Variants in PDILT observed in about 807,000 individuals in gnomAD.
PDILT encodes the protein protein disulfide-isomerase-like protein of the testis.
A neutral mutation model predicts 53.7 loss-of-function variants in PDILT; 43 were observed. The ratio of observed to expected loss-of-function variants is 0.80; its 90% CI spans 0.63 to 1.03. PDILT has a LOEUF of 1.03. Ranked by LOEUF, PDILT falls within the 50% of genes least tolerant of loss-of-function variation. PDILT has a pLI of 0.00. For missense variants in PDILT, 727 were observed against 712.3 expected, an observed-to-expected ratio of 1.02 and a Z score of -0.24; for synonymous variants, 282 against 274.2, an observed-to-expected ratio of 1.03 and a Z score of -0.28.
At chr16:20,361,376 G>C (rs1389741948) in intron 10 of PDILT, among the ~76,000 whole-genome samples, 1 of 151,776 alleles carries the variant, frequency 6.6e-6, no homozygotes. Flanking sequence ...GTAGAGACGG[G>C]GTTTCACCAT....
At chr16:20,374,670 A>G in intron 5 of PDILT, 152 bp downstream of exon 5, 2 of 827,064 alleles carry the variant, frequency 2.4e-6, no homozygotes, top group East Asian at 2.6e-5. Context: ...GAAAGGTTGG[A>G]GCAACACTGG....
rs1398724709 is a variant in PDILT at position 20,366,996 on chromosome 16, C to CTTTA, written c.1117-1457_1117-1456insTAAA. On this transcript the variant is annotated intron_variant, in intron 8 of 11. Coordinates refer to ENST00000302451, the MANE Select transcript of PDILT (RefSeq NM_174924.2). ...CCTTCCTTCCTTCCTTCCTTTCTTT[C>CTTTA]TTTCTTTATTTATTTCTCTCTCTCT... is the stretch of plus-strand genomic sequence containing the variant. Among the ~76,000 whole-genome samples, 71 of 140,676 alleles carry CTTTA rather than the reference C, an allele frequency of 5.0e-4. 3 individuals carry two copies. Among genetic ancestry groups the CTTTA allele is most frequent in the Middle Eastern group, 3.6e-3 (1 of 278 alleles). 92.3% of individuals were successfully genotyped at this position (140,676 alleles called of 152,430 possible).
At chr16:20,401,266 G>C (rs1463516315) in intron 1 of PDILT, among the ~76,000 whole-genome samples, 3 of 152,166 alleles carry the variant, frequency 2.0e-5, no homozygotes, top group African/African-American at 7.2e-5. Flanking sequence ...GACTAAGTCT[G>C]GTACAGCATG....
chr16:20,378,966 A>G (rs544390466), intron 3 of PDILT, among the ~76,000 whole-genome samples: 1 of 151,362 alleles, frequency 6.6e-6, no homozygotes, highest in South Asian at 2.1e-4. Flanking sequence ...ATATCCCACA[A>G]CTTATTTGTC....
At chr16:20,371,202 G>A (rs953269790) in intron 7 of PDILT, among the ~76,000 whole-genome samples, 2 of 152,150 alleles carry the variant, frequency 1.3e-5, no homozygotes, top group Non-Finnish European at 2.9e-5. Flanking sequence ...CGAAGATGAG[G>A]TCAGAGGTCC....
chr16:20,383,759 G>T (rs950304739), intron 3 of PDILT, among the ~76,000 whole-genome samples: 1 of 152,100 alleles, frequency 6.6e-6, no homozygotes, highest in Non-Finnish European at 1.5e-5. Flanking sequence ...CATTCTACTG[G>T]CATGGCTGTT....
At chr16:20,375,317 A>G (rs1966369329) in intron 4 of PDILT, among the ~76,000 whole-genome samples, 1 of 152,236 alleles carries the variant, frequency 6.6e-6, no homozygotes, top group South Asian at 2.1e-4. Context: ...ACTTAATGTC[A>G]AGAATTTCAG....
rs553143139 is a variant in PDILT at position 20,368,878 on chromosome 16, C to T, written c.1116+614G>A. Among the ~76,000 whole-genome samples, 3 of 152,258 alleles carry T rather than the reference C, an allele frequency of 2.0e-5. No individual in the cohort carries two copies. The East Asian group carries it at 5.8e-4, about 29-fold the overall frequency. ...GGATTACAGGCATGAACCACCGCACCTGGCCCATTCCAGAATCCTTTACTC... is the reference window on the plus strand; with the variant it reads ...GGATTACAGGCATGAACCACCGCACTTGGCCCATTCCAGAATCCTTTACTC... On this transcript the variant is annotated intron_variant, in intron 8 of 11. Coordinates refer to ENST00000302451, the MANE Select transcript of PDILT (RefSeq NM_174924.2).
At chr16:20,371,237 A>G (rs1326186424) in intron 7 of PDILT, among the ~76,000 whole-genome samples, 1 of 152,196 alleles carries the variant, frequency 6.6e-6, no homozygotes. Flanking sequence ...GTTTAGTCTG[A>G]ATATAATAGT....
intron 8 of PDILT, among the ~76,000 whole-genome samples, chr16:20,368,621 G>A (rs1371869936): frequency 6.6e-6 from 1 of 151,942 alleles, no homozygotes; most frequent in Non-Finnish European, 1.5e-5. Flanking sequence ...GTGCTGGACA[G>A]GGTCTTCCTC....
intron 7 of PDILT, among the ~76,000 whole-genome samples, chr16:20,370,896 A>G (rs754671088): frequency 2.4e-4 from 36 of 152,318 alleles, no homozygotes; most frequent in Non-Finnish European, 4.7e-4. Context: ...AGGAAGTTAC[A>G]CTATATGGTC....
chr16:20,382,898 C>G (rs1379035101), intron 3 of PDILT, among the ~76,000 whole-genome samples: 1 of 152,200 alleles, frequency 6.6e-6, no homozygotes, highest in Non-Finnish European at 1.5e-5. Context: ...GTGAGATCAG[C>G]CACTGCCCTT....
chr16:20,404,036 A>G (rs1966782008), intron 1 of PDILT, among the ~76,000 whole-genome samples: 3 of 152,118 alleles, frequency 2.0e-5, no homozygotes, highest in Non-Finnish European at 2.9e-5. Flanking sequence ...ATTATTATTT[A>G]TGAGTGTACT....
chr16:20,369,388 T>G (rs1966266458), intron 8 of PDILT, 104 bp downstream of exon 8: 2 of 1,286,904 alleles, frequency 1.6e-6, no homozygotes, highest in Non-Finnish European at 2.2e-6. Context: ...TTGATCTTTA[T>G]TCTGCCTCCA....
chr16:20,381,198 C>T (rs547862550), intron 3 of PDILT, among the ~76,000 whole-genome samples: 1 of 152,220 alleles, frequency 6.6e-6, no homozygotes, highest in African/African-American at 2.4e-5. Flanking sequence ...GGGGCTTTGA[C>T]CCTGCAAGGA....
At chr16:20,401,236 T>C (rs1966736560) in intron 1 of PDILT, among the ~76,000 whole-genome samples, 1 of 152,198 alleles carries the variant, frequency 6.6e-6, no homozygotes, top group Non-Finnish European at 1.5e-5. Flanking sequence ...TCACCAGGTG[T>C]TATGCCACTT....
intron 7 of PDILT, among the ~76,000 whole-genome samples, chr16:20,372,492 C>G (rs1460946791): frequency 6.6e-6 from 1 of 152,168 alleles, no homozygotes; most frequent in Non-Finnish European, 1.5e-5. Context: ...ATGGAGTCCA[C>G]TTAGTGGTCC....
intron 2 of PDILT, among the ~76,000 whole-genome samples, chr16:20,387,513 T>C (rs923361997): frequency 5.9e-5 from 9 of 152,108 alleles, no homozygotes; most frequent in African/African-American, 2.2e-4. Flanking sequence ...TGATGTAGGG[T>C]CTCGCAAGCC....
intron 3 of PDILT, among the ~76,000 whole-genome samples, chr16:20,384,083 T>C (rs780193636): frequency 2.0e-5 from 3 of 152,230 alleles, no homozygotes; most frequent in Admixed American, 6.5e-5. Context: ...AATTTCCCTT[T>C]TGGCTAAATA....
Sources: allele counts gnomAD v4.1 joint callset (sites outside exome capture counted in the v4.1 genomes callset), GRCh38; gene constraint gnomAD v4.1.1; transcripts MANE v1.5; gene names NCBI Gene and HGNC (gene_info 2026-07-23, HGNC 2026-07-21).